Variants in IRAK2 observed in about 807,000 individuals in gnomAD.
The protein encoded by IRAK2 is interleukin-1 receptor-associated kinase-like 2.
Under a neutral mutation model 72.0 loss-of-function variants are expected in IRAK2, and 57 were observed. That is an observed-to-expected ratio of 0.79 (90% CI 0.64 to 0.99). The LOEUF is 0.99. IRAK2 is among the 50% of genes least tolerant of loss of function. The pLI is 0.00. For synonymous variants in IRAK2, 293 were observed against 312.7 expected (o/e 0.94, Z 0.67); for missense variants, 790 against 794.4 (o/e 0.99, Z 0.07).
At chr3:10,237,099 A>C (rs1436035872) in intron 11 of IRAK2, among the ~76,000 whole-genome samples, 1 of 152,238 alleles carries the variant, frequency 6.6e-6, no homozygotes, top group Non-Finnish European at 1.5e-5. Context: ...GAAATGCATC[A>C]CTTTTTCTCA....
intron 6 of IRAK2, among the ~76,000 whole-genome samples, chr3:10,216,502 GA>G (rs1414715940): frequency 2.6e-5 from 4 of 152,122 alleles, no homozygotes; most frequent in African/African-American, 7.2e-5. Flanking sequence ...AAAGGGCCAG[GA>G]AAGAGTGGTC....
At position 10,234,657 on chromosome 3, in the gene IRAK2, G is replaced by C; in HGVS notation, c.1471G>C (p.Glu491Gln). The C allele has an allele frequency of 6.2e-7, 1 of 1,611,724 alleles. No homozygotes were observed. The highest frequency in any genetic ancestry group is 8.5e-7 in the Non-Finnish European group (1 of 1,179,078). Residue 491 changes from glutamate to glutamine, a missense_variant and splice_region_variant, in exon 11 of 13, where the codon GAG (glutamate) becomes CAG (glutamine). Physicochemically the swap from Glu to Gln is conservative, Grantham distance 29. Coordinates refer to ENST00000256458, the MANE Select transcript of IRAK2 (RefSeq NM_001570.4). ...GCGGAGGCGTAACACCAGCCTGCAGGAGGTGAGCCTCGCCCGCAGCGGCCT... is the reference window on the plus strand; with the variant it reads ...GCGGAGGCGTAACACCAGCCTGCAGCAGGTGAGCCTCGCCCGCAGCGGCCT... ...CLRRRNTSLQ[E>Q]VCGSVAAVEE...
intron 3 of IRAK2, among the ~76,000 whole-genome samples, chr3:10,208,420 A>G (rs553694676): frequency 2.0e-5 from 3 of 150,546 alleles, no homozygotes; most frequent in African/African-American, 7.4e-5. Context: ...TCATCCTCCC[A>G]AGTAGAGGGG....
intron 2 of IRAK2, among the ~76,000 whole-genome samples, chr3:10,180,883 C>G (rs1358250993): frequency 6.6e-6 from 1 of 152,132 alleles, no homozygotes; most frequent in African/African-American, 2.4e-5. Flanking sequence ...GCCAGTGGGG[C>G]AGCGAGAACA....
intron 3 of IRAK2, among the ~76,000 whole-genome samples, chr3:10,206,076 C>A (rs1471726142): frequency 6.6e-6 from 1 of 152,138 alleles, no homozygotes; most frequent in Non-Finnish European, 1.5e-5. Context: ...TTCATTAGGA[C>A]AAATACTTGC....
At chr3:10,199,702 A>T (rs537521189) in intron 2 of IRAK2, among the ~76,000 whole-genome samples, 235 of 151,984 alleles carry the variant, frequency 1.5e-3, no homozygotes, top group African/African-American at 5.5e-3. Context: ...TTCCCACATG[A>T]CACCCCAGCG....
At chr3:10,241,490 C>T (rs1346126084) in intron 12 of IRAK2, among the ~76,000 whole-genome samples, 1 of 150,562 alleles carries the variant, frequency 6.6e-6, no homozygotes, top group Non-Finnish European at 1.5e-5. Flanking sequence ...ACCCAGGAGG[C>T]AGAGGTTGCA....
chr3:10,177,354 G>A (rs1308134651), intron 1 of IRAK2, among the ~76,000 whole-genome samples: 1 of 152,180 alleles, frequency 6.6e-6, no homozygotes, highest in African/African-American at 2.4e-5. Context: ...CTGAAGATGA[G>A]CGCCTCCTGC....
chr3:10,197,256 A>G (rs1697283014), intron 2 of IRAK2, among the ~76,000 whole-genome samples: 1 of 151,892 alleles, frequency 6.6e-6, no homozygotes. Flanking sequence ...GTGGTGTTGC[A>G]AACCTGTAAT....
intron 11 of IRAK2, among the ~76,000 whole-genome samples, chr3:10,237,263 G>A (rs151130612): frequency 4.6e-5 from 7 of 152,294 alleles, no homozygotes; most frequent in East Asian, 1.9e-4. Context: ...CGTTTGCCAC[G>A]TAAAATAAAG....
At chr3:10,165,558 C>T (rs1339978779) in intron 1 of IRAK2, among the ~76,000 whole-genome samples, 1 of 151,922 alleles carries the variant, frequency 6.6e-6, no homozygotes, top group Non-Finnish European at 1.5e-5. Context: ...TGCAATGGCA[C>T]GGTCTCGGCT....
intron 12 of IRAK2, among the ~76,000 whole-genome samples, chr3:10,240,238 C>T (rs1452206870): frequency 6.6e-6 from 1 of 151,596 alleles, no homozygotes; most frequent in Admixed American, 6.6e-5. Flanking sequence ...GGGCAGATCA[C>T]GAGTTCAGGA....
Position 10,181,206 on chromosome 3 carries a change from A to C in IRAK2, c.277+3186A>C, listed in dbSNP as rs563323997. On this transcript the variant is annotated intron_variant, in intron 2 of 12. Coordinates refer to ENST00000256458, the MANE Select transcript of IRAK2 (RefSeq NM_001570.4). The stretch of plus-strand genomic sequence containing the variant: ...CACAGCCTCCCCATTCCTGGAACCC[A>C]CCTGAAACCCCTCCCTGCCCGGTGC... 1.8e-4 allele frequency among the ~76,000 whole-genome samples: 28 copies of C among 151,662 alleles called. No homozygotes were observed. The South Asian group carries it at 4.6e-3, about 25-fold the overall frequency.
intron 8 of IRAK2, among the ~76,000 whole-genome samples, chr3:10,221,407 C>T (rs1198442845): frequency 6.6e-6 from 1 of 151,372 alleles, no homozygotes; most frequent in Non-Finnish European, 1.5e-5. Context: ...GCGCCTGCCA[C>T]CATGCCCGGC....
At chr3:10,203,153 C>T (rs987298971) in intron 3 of IRAK2, among the ~76,000 whole-genome samples, 2 of 151,898 alleles carry the variant, frequency 1.3e-5, no homozygotes, top group Non-Finnish European at 2.9e-5. Flanking sequence ...CGCACCACCA[C>T]GTCTGACTGA....
chr3:10,165,652 C>A (rs1696672091), intron 1 of IRAK2, among the ~76,000 whole-genome samples: 2 of 148,834 alleles, frequency 1.3e-5, no homozygotes, highest in Admixed American at 6.7e-5. Context: ...CCCGCTACCA[C>A]CCTGGCTAAT....
At chr3:10,189,704 T>C (rs774837512) in intron 2 of IRAK2, among the ~76,000 whole-genome samples, 2 of 152,126 alleles carry the variant, frequency 1.3e-5, no homozygotes, top group Non-Finnish European at 2.9e-5. Context: ...TGGGCTCTCA[T>C]TGAGTGGAAA....
intron 2 of IRAK2, among the ~76,000 whole-genome samples, chr3:10,183,115 G>T (rs952666242): frequency 2.0e-5 from 3 of 152,180 alleles, no homozygotes; most frequent in African/African-American, 7.2e-5. Context: ...TAAATTTGAA[G>T]AAAACAGTAC....
chr3:10,225,825 A>G (rs558731911), intron 9 of IRAK2, among the ~76,000 whole-genome samples: 1 of 151,958 alleles, frequency 6.6e-6, no homozygotes, highest in East Asian at 1.9e-4. Flanking sequence ...CAGCCTCCCA[A>G]GCACCTGGGA....
Sources: gnomAD v4.1 joint callset for allele counts (sites outside exome capture counted in the v4.1 genomes callset) on GRCh38, gnomAD v4.1.1 for gene constraint, MANE v1.5 for transcripts, NCBI Gene and HGNC (gene_info 2026-07-23, HGNC 2026-07-21) for gene names.